RAB28: variants seen among roughly 807,000 people sequenced by gnomAD.
The protein encoded by RAB28 is ras-related protein Rab-28.
Under a neutral mutation model 31.7 loss-of-function variants are expected in RAB28, and 24 were observed. The ratio of observed to expected loss-of-function variants is 0.76; its 90% CI spans 0.55 to 1.06. The LOEUF is 1.06. RAB28 is among the 50% of genes least tolerant of loss of function. The probability of loss-of-function intolerance (pLI) is 0.00; values close to 1 mark genes in which losing one functional copy is unlikely to be tolerated. For missense variants in RAB28, 254 were observed against 258.5 expected (o/e 0.98, Z 0.12); for synonymous variants, 100 against 90.4 (o/e 1.11, Z -0.60).
intron 4 of RAB28, among the ~76,000 whole-genome samples, chr4:13,437,147 G>A (rs1375290226): frequency 2.0e-5 from 3 of 152,086 alleles, no homozygotes; most frequent in Non-Finnish European, 4.4e-5. Flanking sequence ...CTGGAAAGCT[G>A]GCTAGCCATA....
chr4:13,370,818 T>C (rs1465543787), intron 6 of RAB28: 2 of 971,402 alleles, frequency 2.1e-6, no homozygotes, highest in African/African-American at 3.5e-5. Flanking sequence ...ACAATAACTG[T>C]TGCTTTCAAA....
At chr4:13,386,008 GACAA>G (rs773162158) in intron 4 of RAB28, among the ~76,000 whole-genome samples, 10 of 151,988 alleles carry the variant, frequency 6.6e-5, no homozygotes, top group Non-Finnish European at 1.3e-4. Context: ...ACCAAAAATA[GACAA>G]ACAGAATTAT....
chr4:13,459,682 C>CAAA, intron 4 of RAB28: 3 of 679,354 alleles, frequency 4.4e-6, no homozygotes, highest in Non-Finnish European at 5.3e-6. Flanking sequence ...CACTCTTTCT[C>CAAA]AAAAAAAAAA....
rs1184349883 is a variant in RAB28, at chr4:13,483,435, G to A, written c.75+641C>T. 2.6e-5 allele frequency among the ~76,000 whole-genome samples: 4 copies of A among 152,192 alleles called. No homozygotes were observed. The East Asian group carries it at 7.7e-4, about 29-fold the overall frequency. ...GAGCTGGAAACAGAGGTGATGAACA[G>A]GTATGATATTAAAATAGCAACTAGA... On this transcript the variant is annotated intron_variant, in intron 1 of 6. Coordinates refer to ENST00000330852, the MANE Select transcript of RAB28 (RefSeq NM_001017979.3).
At chr4:13,428,186 C>T (rs114232249) in intron 4 of RAB28, among the ~76,000 whole-genome samples, 2,306 of 152,326 alleles carry the variant, frequency 0.015, 67 homozygotes, top group African/African-American at 0.052. Context: ...GGCGCGCCGC[C>T]GGGCTGTCTG....
At chr4:13,399,629 G>A (rs1308793275) in intron 4 of RAB28, among the ~76,000 whole-genome samples, 1 of 152,156 alleles carries the variant, frequency 6.6e-6, no homozygotes, top group Admixed American at 6.5e-5. Context: ...TGCCAATCTA[G>A]AAAGCATAAG....
intron 4 of RAB28, among the ~76,000 whole-genome samples, chr4:13,394,445 C>T (rs1729784124): frequency 6.6e-6 from 1 of 152,150 alleles, no homozygotes; most frequent in African/African-American, 2.4e-5. Flanking sequence ...GGAGGTGGAG[C>T]TCAGGCAGTA....
intron 4 of RAB28, among the ~76,000 whole-genome samples, chr4:13,401,841 T>A (rs1425502699): frequency 6.6e-6 from 1 of 152,196 alleles, no homozygotes; most frequent in Non-Finnish European, 1.5e-5. Flanking sequence ...TTTTCGATAT[T>A]CTTAAGGTGG....
chr4:13,444,520 T>C (rs1302647410), intron 4 of RAB28, among the ~76,000 whole-genome samples: 2 of 152,228 alleles, frequency 1.3e-5, no homozygotes, highest in Non-Finnish European at 2.9e-5. Flanking sequence ...ACTGATTTTA[T>C]TTCCTTTAAA....
chr4:13,462,864 T>A (rs1182182753), intron 3 of RAB28, among the ~76,000 whole-genome samples: 1 of 152,150 alleles, frequency 6.6e-6, no homozygotes, highest in East Asian at 1.9e-4. Context: ...AGAACTGATA[T>A]CTGAAGAAGA....
chr4:13,422,643 C>T (rs930874208), intron 4 of RAB28, among the ~76,000 whole-genome samples: 2 of 151,880 alleles, frequency 1.3e-5, no homozygotes, highest in African/African-American at 4.8e-5. Flanking sequence ...AGCAAACTAT[C>T]TTAAGGACAG....
At chr4:13,438,025 T>C (rs1275045722) in intron 4 of RAB28, among the ~76,000 whole-genome samples, 2 of 152,084 alleles carry the variant, frequency 1.3e-5, no homozygotes, top group Non-Finnish European at 2.9e-5. Flanking sequence ...TAAAAAAGAA[T>C]AAAGTCTTGT....
intron 4 of RAB28, among the ~76,000 whole-genome samples, chr4:13,438,401 C>A (rs1213331264): frequency 1.3e-5 from 2 of 152,062 alleles, no homozygotes; most frequent in African/African-American, 2.4e-5. Context: ...AAAAGTAAAC[C>A]CTACACATAT....
At chr4:13,444,051 G>A (rs961319266) in intron 4 of RAB28, among the ~76,000 whole-genome samples, 39 of 148,068 alleles carry the variant, frequency 2.6e-4, no homozygotes, top group Admixed American at 2.7e-4. Flanking sequence ...TTATCATGAC[G>A]GAGTCTCGCT....
intron 1 of RAB28, among the ~76,000 whole-genome samples, chr4:13,482,247 T>G (rs894055049): frequency 6.6e-6 from 1 of 152,080 alleles, no homozygotes; most frequent in Non-Finnish European, 1.5e-5. Context: ...TTATTCACAC[T>G]AAATTAGCAA....
chr4:13,377,576 A>G (rs1278344240), intron 5 of RAB28, among the ~76,000 whole-genome samples: 1 of 152,202 alleles, frequency 6.6e-6, no homozygotes, highest in East Asian at 1.9e-4. Flanking sequence ...AGTACAAACC[A>G]TGTAAAATCT....
In RAB28 at chr4:13,376,616, G is replaced by A. The variant is rs1358118534; in HGVS notation, c.502C>T (p.Leu168=). The part of the protein sequence containing the change: ...VSAKTGDSVF[L]CFQKVAAEIL... ...TCAGCAGCAACTTTCTGAAAGCACA[G>A]GAAGACCTACATAACAAAAATGGGT... Residue 168 remains leucine, a synonymous_variant, in exon 6 of 7, where the codon CTG becomes TTG. Coordinates refer to ENST00000330852, the MANE Select transcript of RAB28 (RefSeq NM_001017979.3). The A allele has an allele frequency of 6.3e-7, 1 of 1,598,386 alleles. No individual in the cohort carries two copies.
intron 3 of RAB28, among the ~76,000 whole-genome samples, chr4:13,471,419 C>T (rs1164859212): frequency 6.6e-6 from 1 of 151,936 alleles, no homozygotes; most frequent in Admixed American, 6.6e-5. Flanking sequence ...CAAAATAGAC[C>T]ACTGGTCAAT....
chr4:13,422,561 T>C (rs1179211592), intron 4 of RAB28, among the ~76,000 whole-genome samples: 23 of 152,172 alleles, frequency 1.5e-4, no homozygotes, highest in Admixed American at 1.4e-3. Flanking sequence ...TGGAAAATAC[T>C]ATGCAGCCAT....
Sources: allele counts gnomAD v4.1 joint callset (sites outside exome capture counted in the v4.1 genomes callset), GRCh38; gene constraint gnomAD v4.1.1; transcripts MANE v1.5; gene names NCBI Gene and HGNC (gene_info 2026-07-23, HGNC 2026-07-21).